Variants in TTC6 observed in about 807,000 individuals in gnomAD.
TTC6 encodes tetratricopeptide repeat protein 6.
TTC6 carries 172 observed loss-of-function variants against 210.4 expected under a neutral mutation model. That is an observed-to-expected ratio of 0.82 (90% CI 0.72 to 0.93). TTC6 has a LOEUF of 0.93. TTC6 is among the 40% of genes least tolerant of loss of function. The pLI is 0.00. For synonymous variants in TTC6, 804 were observed against 819.6 expected (o/e 0.98, Z 0.32); for missense variants, 2,414 against 2,318.1 (o/e 1.04, Z -0.85).
exon 11 of TTC6, chr14:37,749,237 T>C: frequency 6.5e-7 from 1 of 1,528,490 alleles, no homozygotes; most frequent in Non-Finnish European, 8.7e-7. Context: ...TTATGTGGAG[T>C]CTGATCTTCC....
chr14:37,747,714 A>G (rs1480156500), intron 10 of TTC6, among the ~76,000 whole-genome samples: 1 of 152,168 alleles, frequency 6.6e-6, no homozygotes, highest in Non-Finnish European at 1.5e-5. Flanking sequence ...CAGTTTCCTG[A>G]GACAGGGAGC....
intron 26 of TTC6, among the ~76,000 whole-genome samples, chr14:37,821,202 G>A (rs1306310413): frequency 6.6e-6 from 1 of 151,810 alleles, no homozygotes; most frequent in Admixed American, 6.6e-5. Context: ...TAAGTAGCTG[G>A]GACTACAGGT....
intron 1 of TTC6, among the ~76,000 whole-genome samples, chr14:37,651,411 ATATATATATATATATTTTTTTTTTTT>A (rs1308497654): frequency 0.04 from 1,047 of 26,210 alleles, 22 homozygotes; most frequent in South Asian, 0.09. Flanking sequence ...ATATATATAT[ATATATATATATATATTTTTTTTTTTT>A]TTTTTTTTTT....
intron 1 of TTC6, among the ~76,000 whole-genome samples, chr14:37,602,424 A>G (rs2095617411): frequency 6.6e-6 from 1 of 152,210 alleles, no homozygotes; most frequent in South Asian, 2.1e-4. Flanking sequence ...GCAAGGTAAT[A>G]ACTGGAGACC....
chr14:37,642,504 C>T (rs900311064), intron 1 of TTC6, among the ~76,000 whole-genome samples: 1 of 152,160 alleles, frequency 6.6e-6, no homozygotes, highest in Admixed American at 6.5e-5. Flanking sequence ...AACAGACTGA[C>T]CTGCTTTTAC....
chr14:37,614,899 A>G (rs1364966143), intron 2 of TTC6, among the ~76,000 whole-genome samples: 1 of 152,098 alleles, frequency 6.6e-6, no homozygotes, highest in African/African-American at 2.4e-5. Context: ...GCTGCCCAGC[A>G]CCATGCCCAG....
At chr14:37,810,648 G>A (rs1238315842) in intron 24 of TTC6, among the ~76,000 whole-genome samples, 2 of 152,120 alleles carry the variant, frequency 1.3e-5, no homozygotes, top group East Asian at 3.9e-4. Context: ...ATGTGGACTG[G>A]ATGTCATTAA....
intron 14 of TTC6, among the ~76,000 whole-genome samples, chr14:37,786,372 A>G (rs2096067671): frequency 6.6e-6 from 1 of 152,214 alleles, no homozygotes; most frequent in Non-Finnish European, 1.5e-5. Flanking sequence ...GTTTGATCTC[A>G]GACTGCTGTG....
At chr14:37,735,967 G>T in exon 8 of TTC6, 1 of 1,534,448 alleles carries the variant, frequency 6.5e-7, no homozygotes, top group Middle Eastern at 1.7e-4. Flanking sequence ...TCATATAAAA[G>T]CAGTGTCATT....
intron 2 of TTC6, among the ~76,000 whole-genome samples, chr14:37,611,991 G>GTTT (rs11385549): frequency 6.7e-6 from 1 of 148,850 alleles, no homozygotes; most frequent in African/African-American, 2.5e-5. Flanking sequence ...GAGATCAATA[G>GTTT]TTTTTTTTTT....
At chr14:37,798,217 T>G (rs1181638015) in intron 20 of TTC6, among the ~76,000 whole-genome samples, 1 of 152,102 alleles carries the variant, frequency 6.6e-6, no homozygotes, top group Non-Finnish European at 1.5e-5. Context: ...ATCTTGAGAT[T>G]GTTTTAGGGA....
chr14:37,653,140 C>G (rs957456886), intron 1 of TTC6, among the ~76,000 whole-genome samples: 2 of 152,232 alleles, frequency 1.3e-5, no homozygotes, highest in African/African-American at 2.4e-5. Flanking sequence ...TAATGGCCCT[C>G]TGGGCTTGCT....
At chr14:37,705,662 A>T (rs983587560) in intron 5 of TTC6, among the ~76,000 whole-genome samples, 4 of 152,184 alleles carry the variant, frequency 2.6e-5, no homozygotes, top group African/African-American at 7.2e-5. Context: ...AGGCATCTGC[A>T]AACAGGAGAG....
At chr14:37,647,847 G>A (rs1880633018) in intron 1 of TTC6, among the ~76,000 whole-genome samples, 1 of 152,100 alleles carries the variant, frequency 6.6e-6, no homozygotes, top group Admixed American at 6.6e-5. Context: ...AATGAAAGAA[G>A]CTGAGGGGAG....
At chr14:37,757,149 T>C (rs1363968082) in intron 14 of TTC6, among the ~76,000 whole-genome samples, 1 of 152,174 alleles carries the variant, frequency 6.6e-6, no homozygotes, top group Non-Finnish European at 1.5e-5. Flanking sequence ...GTTTGTAGTG[T>C]TCTCTGATGG....
chr14:37,739,685 G>T (rs932838054), intron 10 of TTC6, among the ~76,000 whole-genome samples: 1 of 151,714 alleles, frequency 6.6e-6, no homozygotes, highest in Non-Finnish European at 1.5e-5. Flanking sequence ...CTGATTTAAG[G>T]ACATGAGGTA....
intron 1 of TTC6, among the ~76,000 whole-genome samples, chr14:37,654,097 T>C (rs2095717632): frequency 6.6e-6 from 1 of 152,224 alleles, no homozygotes; most frequent in Admixed American, 6.5e-5. Flanking sequence ...TGTTTGTTCA[T>C]GCCCAAATCT....
At chr14:37,748,556 C>G (rs1255654994) in intron 10 of TTC6, among the ~76,000 whole-genome samples, 1 of 151,514 alleles carries the variant, frequency 6.6e-6, no homozygotes, top group Non-Finnish European at 1.5e-5. Flanking sequence ...TTCCCACTGC[C>G]TCAAGTTCAT....
intron 5 of TTC6, among the ~76,000 whole-genome samples, chr14:37,707,964 C>A (rs1039178468): frequency 6.6e-6 from 1 of 151,958 alleles, no homozygotes; most frequent in African/African-American, 2.4e-5. Flanking sequence ...TGGGATGGGA[C>A]AAGATCTGAA....
Sources: allele counts gnomAD v4.1 joint callset (sites outside exome capture counted in the v4.1 genomes callset), GRCh38; gene constraint gnomAD v4.1.1; transcripts MANE v1.5; gene names NCBI Gene and HGNC (gene_info 2026-07-23, HGNC 2026-07-21).